ELP4: variants seen among roughly 807,000 people sequenced by gnomAD.
The protein encoded by ELP4 is elongator acetyltransferase complex subunit 4.
In ELP4, 51 loss-of-function variants were observed where a neutral mutation model predicts 48.9. The observed-to-expected ratio is 1.04, with a 90% CI of 0.83 to 1.32. The LOEUF is 1.32. Ranked by LOEUF, ELP4 falls within the 40% of genes most tolerant of loss-of-function variation. The pLI is 0.00. For missense variants in ELP4, 519 were observed against 514.6 expected, an observed-to-expected ratio of 1.01 and a Z score of -0.08; for synonymous variants, 210 against 189.2, an observed-to-expected ratio of 1.11 and a Z score of -0.90.
rs772741150 is a variant in ELP4 at position 31,509,934 on chromosome 11, G to C, written c.150G>C (p.Ala50=). Residue 50 remains alanine, a synonymous_variant, in exon 1 of 10, where the codon GCG becomes GCC. Transcript: ENST00000640961. ...NDSGPRLVSI[A]GTRPSVRNGQ... ...GCGGCCCTCGACTGGTGTCCATTGC[G>C]GGCACGCGACCGTCGGTGCGGAATG... The C allele has an allele frequency of 6.2e-7, 1 of 1,613,744 alleles. No individual in the cohort carries two copies. The highest frequency in any genetic ancestry group is 2.2e-5 in the East Asian group (1 of 44,862).
At chr11:31,730,015 C>A (rs1440585051) in intron 9 of ELP4, among the ~76,000 whole-genome samples, 1 of 152,138 alleles carries the variant, frequency 6.6e-6, no homozygotes, top group Non-Finnish European at 1.5e-5. Context: ...CAATTCAACA[C>A]CAAAACATAG....
chr11:31,532,826 CA>C (rs1353405764), intron 2 of ELP4, among the ~76,000 whole-genome samples: 3 of 138,712 alleles, frequency 2.2e-5, no homozygotes, highest in African/African-American at 8.2e-5. Context: ...GGCTGGAGTG[CA>C]ATGGTGTGAT....
intron 9 of ELP4, among the ~76,000 whole-genome samples, chr11:31,716,391 C>T (rs1201018405): frequency 6.6e-6 from 1 of 152,130 alleles, no homozygotes; most frequent in Non-Finnish European, 1.5e-5. Context: ...AGAATATCTG[C>T]TTTTACATTC....
At position 31,787,356 on chromosome 11, in the gene ELP4, A is replaced by G. The variant is rs1156873946; in HGVS notation, c.*3832A>G. On this transcript the variant is annotated 3_prime_UTR_variant, in exon 10 of 10. Transcript: ENST00000640961. ...ACGTCACTCCTTTTCTCCCATTCCC[A>G]CCTCTTGCACCTGGCGTGCGACATC... The G allele has an allele frequency of 1.7e-5, 4 of 232,962 alleles. No homozygotes were observed. The highest frequency in any genetic ancestry group is 6.6e-5 in the African/African-American group (3 of 45,194). 14.4% of individuals were successfully genotyped at this position (232,962 alleles called of 1,614,324 possible). A position where few individuals can be genotyped will look rare whatever the true frequency, so the allele number is the denominator to read the frequency against.
At chr11:31,700,464 T>C (rs1295534794) in intron 9 of ELP4, among the ~76,000 whole-genome samples, 2 of 152,216 alleles carry the variant, frequency 1.3e-5, no homozygotes, top group East Asian at 3.9e-4. Flanking sequence ...TAAATAGCTT[T>C]ATGTCCATGT....
intron 5 of ELP4, among the ~76,000 whole-genome samples, chr11:31,620,496 T>A (rs1287705186): frequency 6.6e-6 from 1 of 151,924 alleles, no homozygotes; most frequent in Admixed American, 6.6e-5. Context: ...TGGCAGTTAT[T>A]GATAATTACA....
chr11:31,657,910 G>T (rs933692326), intron 9 of ELP4, among the ~76,000 whole-genome samples: 1 of 151,982 alleles, frequency 6.6e-6, no homozygotes, highest in African/African-American at 2.4e-5. Context: ...ACTACTGCAA[G>T]TGCTTAAAGG....
chr11:31,555,212 C>T (rs1268344424), intron 3 of ELP4, among the ~76,000 whole-genome samples: 2 of 151,932 alleles, frequency 1.3e-5, no homozygotes, highest in African/African-American at 4.8e-5. Flanking sequence ...TTTGTAGGGT[C>T]GGTTGATATG....
chr11:31,553,325 A>G (rs1368507878), intron 3 of ELP4, among the ~76,000 whole-genome samples: 1 of 152,106 alleles, frequency 6.6e-6, no homozygotes, highest in Non-Finnish European at 1.5e-5. Context: ...AGTGTTTTGA[A>G]AGGAATTAAC....
intron 9 of ELP4, chr11:31,663,970 A>G (rs1945617312): frequency 6.6e-6 from 1 of 152,124 alleles, no homozygotes; most frequent in Non-Finnish European, 1.5e-5. Flanking sequence ...ATTATGTAAA[A>G]CAAAACTTCT....
chr11:31,610,449 GT>G (rs1233611551), intron 5 of ELP4, among the ~76,000 whole-genome samples: 10 of 152,106 alleles, frequency 6.6e-5, no homozygotes, highest in African/African-American at 1.4e-4. Context: ...TTGGGTTTCT[GT>G]TGATCACTTC....
intron 9 of ELP4, among the ~76,000 whole-genome samples, chr11:31,765,684 A>T (rs1414198869): frequency 1.3e-5 from 2 of 152,154 alleles, no homozygotes; most frequent in African/African-American, 4.8e-5. Flanking sequence ...CTGGACAATT[A>T]AGATCCATTG....
chr11:31,761,002 T>A (rs1048597677), intron 9 of ELP4, among the ~76,000 whole-genome samples: 9 of 152,202 alleles, frequency 5.9e-5, no homozygotes, highest in Non-Finnish European at 1.3e-4. Context: ...TTAGCTCTCT[T>A]AGGAATTAAA....
At chr11:31,559,781 TA>T (rs1956984984) in intron 3 of ELP4, among the ~76,000 whole-genome samples, 1 of 151,766 alleles carries the variant, frequency 6.6e-6, no homozygotes, top group African/African-American at 2.4e-5. Context: ...CACATCCCTG[TA>T]ATCCCAGCTA....
At chr11:31,623,659 C>G (rs1466791357) in intron 5 of ELP4, among the ~76,000 whole-genome samples, 1 of 149,490 alleles carries the variant, frequency 6.7e-6, no homozygotes, top group African/African-American at 2.4e-5. Flanking sequence ...TGTTTTATGT[C>G]AGGGTTAAAT....
intron 9 of ELP4, chr11:31,714,650 TCAGCA>T (rs1482368773): frequency 5.0e-6 from 2 of 398,408 alleles, no homozygotes; most frequent in African/African-American, 4.1e-5. Context: ...CAAAAAGGGG[TCAGCA>T]CAGCTACGTT....
At chr11:31,518,322 T>A (rs1592076936) in intron 1 of ELP4, among the ~76,000 whole-genome samples, 1 of 151,782 alleles carries the variant, frequency 6.6e-6, no homozygotes, top group African/African-American at 2.4e-5. Flanking sequence ...GTCAGGCTGG[T>A]CTCGAACTCC....
At chr11:31,779,467 T>C (rs959212596) in intron 9 of ELP4, among the ~76,000 whole-genome samples, 4 of 152,146 alleles carry the variant, frequency 2.6e-5, no homozygotes, top group African/African-American at 9.7e-5. Context: ...ATTTAGCTGC[T>C]GACTCAGAAG....
intron 2 of ELP4, among the ~76,000 whole-genome samples, chr11:31,525,392 C>T (rs1956280893): frequency 6.6e-6 from 1 of 152,120 alleles, no homozygotes; most frequent in Non-Finnish European, 1.5e-5. Flanking sequence ...CAAGATAAAT[C>T]TCTGGATATT....
Sources: allele counts gnomAD v4.1 joint callset (sites outside exome capture counted in the v4.1 genomes callset), GRCh38; gene constraint gnomAD v4.1.1; transcripts MANE v1.5; gene names NCBI Gene and HGNC (gene_info 2026-07-23, HGNC 2026-07-21).